Variants in IGSF11 observed in about 807,000 individuals in gnomAD.
IGSF11 encodes CXADR like 1.
In IGSF11, 22 loss-of-function variants were observed where a neutral mutation model predicts 41.0. The observed-to-expected ratio is 0.54, with a 90% CI of 0.38 to 0.77. The LOEUF (loss-of-function observed/expected upper bound fraction) is 0.77, where lower values mean the gene tolerates loss of function less well. IGSF11 is among the 30% of genes least tolerant of loss of function. IGSF11 has a pLI of 0.00. For synonymous variants in IGSF11, 219 were observed against 201.3 expected (o/e 1.09, Z -0.74); for missense variants, 444 against 530.8 (o/e 0.84, Z 1.61).
intron 1 of IGSF11, among the ~76,000 whole-genome samples, chr3:118,979,220 C>A (rs1934451978): frequency 6.6e-6 from 1 of 151,942 alleles, no homozygotes. Context: ...TAAAATAACA[C>A]AATATAAATC....
chr3:119,050,314 C>T (rs573875781), intron 1 of IGSF11, among the ~76,000 whole-genome samples: 152 of 152,222 alleles, frequency 1.0e-3, no homozygotes, highest in African/African-American at 3.3e-3. Flanking sequence ...AAACAAACAA[C>T]CCCATCAAAA....
intron 1 of IGSF11, among the ~76,000 whole-genome samples, chr3:118,935,040 G>A (rs772718104): frequency 4.6e-5 from 7 of 151,878 alleles, no homozygotes; most frequent in Admixed American, 3.3e-4. Context: ...TGACCTCTCA[G>A]TCTAGGTCAG....
intron 1 of IGSF11, among the ~76,000 whole-genome samples, chr3:119,045,304 A>G (rs1266242513): frequency 1.3e-5 from 2 of 152,232 alleles, no homozygotes; most frequent in African/African-American, 4.8e-5. Flanking sequence ...GCACGAGCCG[A>G]AGCAGGGCGA....
At chr3:119,140,758 A>G (rs1413519472) in intron 1 of IGSF11, among the ~76,000 whole-genome samples, 1 of 152,162 alleles carries the variant, frequency 6.6e-6, no homozygotes, top group African/African-American at 2.4e-5. Flanking sequence ...TTAAAATCAT[A>G]CAAGGCCAGA....
At position 119,034,668 on chromosome 3, in the gene IGSF11, G is replaced by C. The variant is rs1049104745; in HGVS notation, c.-86C>G. The C allele has an allele frequency of 1.2e-5, 18 of 1,453,420 alleles. No homozygotes were observed. The highest frequency in any genetic ancestry group is 2.5e-4 in the Middle Eastern group (1 of 3,970). 90.0% of individuals were successfully genotyped at this position (1,453,420 alleles called of 1,614,324 possible). On this transcript the variant is annotated 5_prime_UTR_variant, in exon 1 of 7. Transcript: ENST00000393775. ...GCGGGCGTGAGTCTCCGCGCTCTTGGGGCAGCCTGGTCCTCCCACACCCAG... is the reference window on the plus strand; with the variant it reads ...GCGGGCGTGAGTCTCCGCGCTCTTGCGGCAGCCTGGTCCTCCCACACCCAG...
chr3:119,044,329 G>T (rs778630101), intron 1 of IGSF11, among the ~76,000 whole-genome samples: 1 of 152,044 alleles, frequency 6.6e-6, no homozygotes, highest in African/African-American at 2.4e-5. Context: ...TTGAAGATAA[G>T]ACTTTCTAGT....
chr3:118,929,934 A>G (rs1167551449), intron 2 of IGSF11, among the ~76,000 whole-genome samples, 178 bp downstream of exon 2: 3 of 152,218 alleles, frequency 2.0e-5, no homozygotes, highest in Admixed American at 1.3e-4. Context: ...TTTTAAAAAG[A>G]GGATAGCCTC....
At chr3:119,127,163 A>T (rs2107535192) in intron 1 of IGSF11, among the ~76,000 whole-genome samples, 1 of 152,268 alleles carries the variant, frequency 6.6e-6, no homozygotes, top group South Asian at 2.1e-4. Flanking sequence ...TAACTAGAAT[A>T]GCCAGTTTAG....
At chr3:118,920,237 G>T (rs1297823102) in intron 4 of IGSF11, among the ~76,000 whole-genome samples, 1 of 145,074 alleles carries the variant, frequency 6.9e-6, no homozygotes, top group East Asian at 2.1e-4. Flanking sequence ...ATGTGCACAT[G>T]TACCCTAAAA....
intron 1 of IGSF11, among the ~76,000 whole-genome samples, chr3:118,941,963 G>A (rs188120584): frequency 2.6e-5 from 4 of 152,236 alleles, no homozygotes; most frequent in East Asian, 3.9e-4. Flanking sequence ...CCAGATGCTG[G>A]AGCTGGGACT....
intron 1 of IGSF11, among the ~76,000 whole-genome samples, chr3:119,110,271 C>T (rs1050108387): frequency 2.6e-5 from 4 of 151,942 alleles, no homozygotes; most frequent in South Asian, 4.2e-4. Context: ...AATCTGGGTG[C>T]TCCTGTATTG....
chr3:119,017,776 C>CTTTTTTTTTTTTTTTTTTTTTTTTTT (rs567222914), intron 1 of IGSF11, among the ~76,000 whole-genome samples: 2 of 100,258 alleles, frequency 2.0e-5, no homozygotes, highest in African/African-American at 3.9e-5. Context: ...GTTTGTTTTA[C>CTTTTTTTTTTTTTTTTTTTTTTTTTT]TTTTTTTTTT....
chr3:118,911,721 CAG>C (rs564142301), intron 4 of IGSF11, among the ~76,000 whole-genome samples: 28 of 148,980 alleles, frequency 1.9e-4, no homozygotes, highest in Non-Finnish European at 2.1e-4. Flanking sequence ...AGAGGAGACA[CAG>C]AGAGAGAGAG....
chr3:118,928,254 G>A (rs569804070), intron 3 of IGSF11, among the ~76,000 whole-genome samples: 2 of 152,286 alleles, frequency 1.3e-5, no homozygotes, highest in South Asian at 4.2e-4. Flanking sequence ...ACTTCTGATG[G>A]TATTTGATAC....
At chr3:118,993,237 ATAAG>A (rs1559756011) in intron 1 of IGSF11, among the ~76,000 whole-genome samples, 2 of 152,204 alleles carry the variant, frequency 1.3e-5, no homozygotes, top group South Asian at 4.1e-4. Context: ...AAGTAAGTAA[ATAAG>A]TAAGTAAATA....
At chr3:119,077,383 G>A (rs566878068) in intron 1 of IGSF11, among the ~76,000 whole-genome samples, 11 of 151,892 alleles carry the variant, frequency 7.2e-5, no homozygotes, top group East Asian at 1.9e-4. Flanking sequence ...AAACCTACAC[G>A]TTGTGCACAT....
rs534332856 is a variant in IGSF11 at position 118,975,824 on chromosome 3, A to C, written c.53-45549T>G. Among the ~76,000 whole-genome samples the C allele has an allele frequency of 3.9e-5, 6 of 152,302 alleles. No homozygotes were observed. In the South Asian group the frequency reaches 6.2e-4, roughly 16 times the overall value. On this transcript the variant is annotated intron_variant, in intron 1 of 6. Transcript: ENST00000393775. The stretch of plus-strand genomic sequence containing the variant: ...TAAGTGGGAGCTAAACATTGGGTAC[A>C]TATGGACAAAAAGATGAGAACAACA...
intron 1 of IGSF11, among the ~76,000 whole-genome samples, chr3:118,933,396 T>C (rs1031345019): frequency 2.6e-5 from 4 of 151,678 alleles, no homozygotes; most frequent in African/African-American, 9.7e-5. Context: ...CCACTACTAT[T>C]GCTAGCTAAT....
At chr3:119,086,154 C>T (rs984757142) in intron 1 of IGSF11, among the ~76,000 whole-genome samples, 1 of 152,162 alleles carries the variant, frequency 6.6e-6, no homozygotes, top group Non-Finnish European at 1.5e-5. Flanking sequence ...TATTTTCCTG[C>T]CTCAGTTCTT....
Sources: gnomAD v4.1 joint callset for allele counts (sites outside exome capture counted in the v4.1 genomes callset) on GRCh38, gnomAD v4.1.1 for gene constraint, MANE v1.5 for transcripts, NCBI Gene and HGNC (gene_info 2026-07-23, HGNC 2026-07-21) for gene names.